The following PRKACB variants were observed in gnomAD, a reference collection of about 807,000 sequenced individuals.
PRKACB encodes the protein cAMP-dependent protein kinase catalytic subunit beta.
PRKACB carries 16 observed loss-of-function variants against 51.4 expected under a neutral mutation model. That is an observed-to-expected ratio of 0.31 (90% CI 0.21 to 0.47). The LOEUF (loss-of-function observed/expected upper bound fraction) is 0.47, where lower values mean the gene tolerates loss of function less well. PRKACB is among the 20% of genes least tolerant of loss of function. The pLI is 1.00. For missense variants in PRKACB, 309 were observed against 464.5 expected (o/e 0.67, Z 3.08); for synonymous variants, 147 against 154.4 (o/e 0.95, Z 0.35).
At chr1:84,234,165 A>T (rs1031616020) in intron 9 of PRKACB, among the ~76,000 whole-genome samples, 1 of 152,188 alleles carries the variant, frequency 6.6e-6, no homozygotes, top group Admixed American at 6.5e-5. Context: ...CTGTTGGAGT[A>T]CCTGGCCCTA....
chr1:84,141,809 G>A (rs1414139588), upstream of PRKACB, among the ~76,000 whole-genome samples: 1 of 152,128 alleles, frequency 6.6e-6, no homozygotes, highest in Non-Finnish European at 1.5e-5. Context: ...TACCATGAGT[G>A]TAATACTTTG....
intron 9 of PRKACB, among the ~76,000 whole-genome samples, chr1:84,229,247 C>T (rs965307109): frequency 2.3e-5 from 3 of 131,096 alleles, no homozygotes; most frequent in South Asian, 2.7e-4. Flanking sequence ...CATGTCCCTA[C>T]GAAGGACATG....
intron 9 of PRKACB, among the ~76,000 whole-genome samples, chr1:84,220,931 G>T (rs1410885760): frequency 6.6e-6 from 1 of 152,078 alleles, no homozygotes; most frequent in African/African-American, 2.4e-5. Context: ...GTCTGGTTTT[G>T]TATCAGAGTA....
At chr1:84,152,492 G>GTTTAGTTGCACT (rs1654964816) in intron 1 of PRKACB, among the ~76,000 whole-genome samples, 1 of 152,184 alleles carries the variant, frequency 6.6e-6, no homozygotes, top group South Asian at 2.1e-4. Context: ...ATTCTGCATT[G>GTTTAGTTGCACT]AAAATCTGTT....
intron 8 of PRKACB, among the ~76,000 whole-genome samples, chr1:84,208,991 G>A (rs1572451691): frequency 6.6e-6 from 1 of 152,236 alleles, no homozygotes; most frequent in Middle Eastern, 3.4e-3. Context: ...TAACTCTCTA[G>A]TCCTATATGT....
At chr1:84,230,415 G>C (rs1192259418) in intron 9 of PRKACB, among the ~76,000 whole-genome samples, 2 of 152,172 alleles carry the variant, frequency 1.3e-5, no homozygotes, top group Non-Finnish European at 2.9e-5. Context: ...TGGCGATGCG[G>C]GCTCTTTTTT....
At chr1:84,121,959 T>G (rs995577211) in intron 1 of PRKACB, among the ~76,000 whole-genome samples, 5 of 152,148 alleles carry the variant, frequency 3.3e-5, no homozygotes, top group African/African-American at 1.2e-4. Context: ...GGTGGTTTTA[T>G]CTACCATTTA....
intron 5 of PRKACB, among the ~76,000 whole-genome samples, chr1:84,192,985 CTT>C (rs1488232877): frequency 2.0e-5 from 3 of 152,060 alleles, no homozygotes; most frequent in African/African-American, 7.2e-5. Flanking sequence ...AAAGTATGTC[CTT>C]ACCAGGAAGA....
At chr1:84,122,960 T>C (rs780611489) in intron 1 of PRKACB, among the ~76,000 whole-genome samples, 1 of 152,218 alleles carries the variant, frequency 6.6e-6, no homozygotes, top group Non-Finnish European at 1.5e-5. Context: ...CTGGTATGTA[T>C]GTGAAGCCTA....
chr1:84,111,265 A>G (rs537751283), intron 1 of PRKACB, among the ~76,000 whole-genome samples: 7 of 152,146 alleles, frequency 4.6e-5, no homozygotes, highest in Non-Finnish European at 5.9e-5. Flanking sequence ...TGATTGCACC[A>G]ACATTGCTAC....
intron 1 of PRKACB, among the ~76,000 whole-genome samples, chr1:84,106,745 A>C (rs865932801): frequency 6.6e-6 from 1 of 152,174 alleles, no homozygotes; most frequent in African/African-American, 2.4e-5. Context: ...ACAGAACTAG[A>C]AAATACTATT....
chr1:84,223,824 AT>A (rs1275019798), intron 9 of PRKACB, among the ~76,000 whole-genome samples: 1 of 151,760 alleles, frequency 6.6e-6, no homozygotes, highest in African/African-American at 2.4e-5. Flanking sequence ...ACATTTCATC[AT>A]TTTTTGTTTA....
chr1:84,078,223 C>G, exon 1 of PRKACB: 6 of 1,364,722 alleles, frequency 4.4e-6, no homozygotes, highest in Non-Finnish European at 6.0e-6. Context: ...GCACTCACCG[C>G]TCTGACGGGT....
chr1:84,091,449 T>C (rs2100772981), intron 1 of PRKACB, among the ~76,000 whole-genome samples: 1 of 152,288 alleles, frequency 6.6e-6, no homozygotes, highest in African/African-American at 2.4e-5. Context: ...ATCTTTGACC[T>C]AACAATTTCT....
At position 84,237,063 on chromosome 1, in the gene PRKACB, T is replaced by A. The variant is rs1286190049; in HGVS notation, c.*1758T>A. Reference sequence around the variant, plus strand: ...GATGTTCTTTCTACCAATCTATATGTCTTTCGGTTATCAAGTGTTTCTGCA... The same window carrying A: ...GATGTTCTTTCTACCAATCTATATGACTTTCGGTTATCAAGTGTTTCTGCA... On this transcript the variant is annotated 3_prime_UTR_variant, in exon 10 of 10. Transcript: ENST00000370685. 4 of 152,280 alleles carry A rather than the reference T, an allele frequency of 2.6e-5. No individual in the cohort carries two copies. Among genetic ancestry groups the A allele is most frequent in the Non-Finnish European group, 5.9e-5 (4 of 68,008 alleles). The allele number at this position is 152,280 out of a possible 1,614,324, so 9.4% of individuals were successfully genotyped here.
chr1:84,130,014 C>A (rs1239651635), intron 1 of PRKACB, among the ~76,000 whole-genome samples: 1 of 151,960 alleles, frequency 6.6e-6, no homozygotes, highest in African/African-American at 2.4e-5. Context: ...TCCTGGCTAA[C>A]AGGGTGAAAC....
At position 84,237,271 on chromosome 1, in the gene PRKACB, CA is replaced by C. The variant is rs1188857656; in HGVS notation, c.*1968del. The C allele has an allele frequency of 9.8e-5, 15 of 152,492 alleles. No individual in the cohort carries two copies. The highest frequency in any genetic ancestry group is 3.6e-4 in the African/African-American group (15 of 41,418). 9.4% of individuals were successfully genotyped at this position (152,492 alleles called of 1,614,324 possible). A position where few individuals can be genotyped will look rare whatever the true frequency, so the allele number is the denominator to read the frequency against. On this transcript the variant is annotated 3_prime_UTR_variant, in exon 10 of 10. Coordinates refer to ENST00000370685, the MANE Select transcript of PRKACB (RefSeq NM_182948.4). ...AATTTTCTTGTATTTCATTTAGACC[CA>C]AGAACATGCTGACCAATGTGTTCTA...
In PRKACB at chr1:84,136,690, C is replaced by T. The variant is rs536114269; in HGVS notation, c.47-42487C>T. Among the ~76,000 whole-genome samples, 44 of 152,182 alleles carry T rather than the reference C, an allele frequency of 2.9e-4. 1 individual carries two copies. The highest frequency in any genetic ancestry group is 2.0e-3 in the Admixed American group (31 of 15,284). On this transcript the variant is annotated intron_variant, in intron 1 of 8. Coordinates refer to the PRKACB transcript ENST00000370688. Reference sequence around the variant, plus strand: ...GCAATCACACTTGTAGGTATTTAACCGATTTAAAAACAATATCCACACAAA... The same window carrying T: ...GCAATCACACTTGTAGGTATTTAACTGATTTAAAAACAATATCCACACAAA...
At chr1:84,138,393 C>CT (rs1653040301) in intron 1 of PRKACB, among the ~76,000 whole-genome samples, 1 of 152,130 alleles carries the variant, frequency 6.6e-6, no homozygotes, top group African/African-American at 2.4e-5. Flanking sequence ...TTAGAAACAA[C>CT]TTTATTACAC....
Sources: gnomAD v4.1 joint callset for allele counts (sites outside exome capture counted in the v4.1 genomes callset) on GRCh38, gnomAD v4.1.1 for gene constraint, MANE v1.5 for transcripts, NCBI Gene and HGNC (gene_info 2026-07-23, HGNC 2026-07-21) for gene names.